CSMD1: variants seen among roughly 807,000 people sequenced by gnomAD.
CSMD1 encodes the protein CUB and sushi domain-containing protein 1.
Under a neutral mutation model 417.5 loss-of-function variants are expected in CSMD1, and 213 were observed. The observed-to-expected ratio is 0.51, with a 90% CI of 0.46 to 0.57. CSMD1 has a LOEUF of 0.57. Ranked by LOEUF, CSMD1 falls within the 20% of genes least tolerant of loss-of-function variation. CSMD1 has a pLI of 0.00. For missense variants in CSMD1, 6,923 were observed against 4,529.7 expected, an observed-to-expected ratio of 1.53 and a Z score of -15.17; for synonymous variants, 2,862 against 1,736.8, an observed-to-expected ratio of 1.65 and a Z score of -16.11.
At chr8:4,245,152 G>T (rs943460898) in intron 3 of CSMD1, among the ~76,000 whole-genome samples, 2 of 152,142 alleles carry the variant, frequency 1.3e-5, no homozygotes, top group East Asian at 3.9e-4. Context: ...AAATGCCTGG[G>T]TTCAGAATCT....
At chr8:4,603,604 G>A (rs770265118) in intron 2 of CSMD1, among the ~76,000 whole-genome samples, 29 of 152,180 alleles carry the variant, frequency 1.9e-4, no homozygotes, top group Admixed American at 1.1e-3. Flanking sequence ...AAAATAGTGC[G>A]AAAACATGAA....
At position 4,825,519 on chromosome 8, in the gene CSMD1, T is replaced by G. The variant is rs373746460; in HGVS notation, c.85+168813A>C. On this transcript the variant is annotated intron_variant, in intron 1 of 69. Transcript: ENST00000635120. The stretch of plus-strand genomic sequence containing the variant: ...CCCGATTTTTCCTTCCCCTGGCCCC[T>G]GGTAAACACAATTCTACTCTCTGCT... Among the ~76,000 whole-genome samples the G allele has an allele frequency of 1.9e-4, 29 of 152,036 alleles. No homozygotes were observed. In the East Asian group the frequency reaches 2.5e-3, roughly 13 times the overall value.
intron 18 of CSMD1, among the ~76,000 whole-genome samples, chr8:3,381,792 G>A (rs1563330124): frequency 1.3e-5 from 2 of 152,038 alleles, no homozygotes; most frequent in African/African-American, 2.4e-5. Flanking sequence ...CTGCTCCCAC[G>A]CTACAGCCTA....
intron 1 of CSMD1, among the ~76,000 whole-genome samples, chr8:4,912,838 T>C (rs1004173867): frequency 6.6e-6 from 1 of 151,868 alleles, no homozygotes; most frequent in Non-Finnish European, 1.5e-5. Flanking sequence ...TAGACTAGAG[T>C]GCAGTGGTGC....
chr8:3,982,200 A>AT (rs1585074761), intron 5 of CSMD1, among the ~76,000 whole-genome samples: 29 of 145,668 alleles, frequency 2.0e-4, no homozygotes, highest in African/African-American at 2.8e-4. Context: ...TATTAATAAA[A>AT]AAAATAATAA....
chr8:3,612,080 CAG>C (rs557238912), intron 8 of CSMD1, among the ~76,000 whole-genome samples: 91 of 152,062 alleles, frequency 6.0e-4, no homozygotes, highest in African/African-American at 2.2e-3. Context: ...TGTTGTGCAA[CAG>C]ATTGAATATA....
At chr8:4,050,841 A>C (rs1244013091) in intron 3 of CSMD1, among the ~76,000 whole-genome samples, 2 of 152,182 alleles carry the variant, frequency 1.3e-5, no homozygotes, top group Non-Finnish European at 2.9e-5. Context: ...TTAAAATTTT[A>C]GAGAAGATTC....
At chr8:3,719,676 G>T (rs906771424) in intron 6 of CSMD1, among the ~76,000 whole-genome samples, 2 of 152,142 alleles carry the variant, frequency 1.3e-5, no homozygotes, top group Admixed American at 6.5e-5. Flanking sequence ...GGAAGTCCAG[G>T]GGTGTCATTC....
At chr8:3,015,651 A>T (rs975548377) in intron 52 of CSMD1, among the ~76,000 whole-genome samples, 1 of 151,930 alleles carries the variant, frequency 6.6e-6, no homozygotes, top group Non-Finnish European at 1.5e-5. Flanking sequence ...AGTAACAGTC[A>T]TTTCCCCACT....
At chr8:3,482,971 A>T (rs994473459) in intron 11 of CSMD1, among the ~76,000 whole-genome samples, 1 of 152,152 alleles carries the variant, frequency 6.6e-6, no homozygotes, top group African/African-American at 2.4e-5. Context: ...TGTGGGAAGC[A>T]GATAAAACAG....
At chr8:3,438,538 ACT>A (rs1180988994) in intron 12 of CSMD1, among the ~76,000 whole-genome samples, 1 of 151,978 alleles carries the variant, frequency 6.6e-6, no homozygotes, top group African/African-American at 2.4e-5. Flanking sequence ...GGTCAGCACC[ACT>A]CTCTGGAGAG....
intron 8 of CSMD1, among the ~76,000 whole-genome samples, chr8:3,594,171 G>A (rs117333823): frequency 1.1e-3 from 175 of 152,246 alleles, no homozygotes; most frequent in South Asian, 2.1e-3. Flanking sequence ...GACCTACAGG[G>A]GTTTGGCACT....
chr8:3,436,989 C>G (rs914998244), intron 12 of CSMD1, among the ~76,000 whole-genome samples: 11 of 152,248 alleles, frequency 7.2e-5, no homozygotes, highest in African/African-American at 2.6e-4. Context: ...CAGACAGGGA[C>G]TTAAACAAGA....
rs553852842 is a variant in CSMD1, at chr8:4,535,899, T to C, written c.302+101443A>G. 5.9e-5 allele frequency among the ~76,000 whole-genome samples: 9 copies of C among 152,360 alleles called. No individual in the cohort carries two copies. In the South Asian group the frequency reaches 1.4e-3, roughly 25 times the overall value. On this transcript the variant is annotated intron_variant, in intron 2 of 69. Transcript: ENST00000635120. The stretch of plus-strand genomic sequence containing the variant: ...AGCTTTTACTTCTTTACTTTTATAA[T>C]TAACTCTTTGTTGTTGATGTTTATA...
At chr8:3,077,447 G>C (rs866334207) in intron 49 of CSMD1, among the ~76,000 whole-genome samples, 3 of 152,280 alleles carry the variant, frequency 2.0e-5, no homozygotes, top group Middle Eastern at 6.8e-3. Context: ...GGTCTACATG[G>C]ACATAAACAC....
At chr8:3,805,936 C>A (rs1453348288) in intron 5 of CSMD1, among the ~76,000 whole-genome samples, 1 of 152,146 alleles carries the variant, frequency 6.6e-6, no homozygotes, top group African/African-American at 2.4e-5. Context: ...CACTGACACA[C>A]CTGCTCTTGA....
chr8:4,158,865 A>C (rs1796986441), intron 3 of CSMD1, among the ~76,000 whole-genome samples: 1 of 152,200 alleles, frequency 6.6e-6, no homozygotes, highest in African/African-American at 2.4e-5. Flanking sequence ...CTGAAATCTC[A>C]AGTCCTCAGT....
At chr8:3,715,864 C>T (rs1228978003) in intron 6 of CSMD1, among the ~76,000 whole-genome samples, 1 of 152,130 alleles carries the variant, frequency 6.6e-6, no homozygotes, top group Non-Finnish European at 1.5e-5. Flanking sequence ...TTTTAAAAGG[C>T]ACACGGCCTG....
rs72331833 is a variant in CSMD1 at position 3,720,620 on chromosome 8, T to TTCTCTCACACACACAC, written c.932-12130_932-12129insGTGTGTGTGTGAGAGA. 7.0e-3 allele frequency among the ~76,000 whole-genome samples: 1,006 copies of TTCTCTCACACACACAC among 143,408 alleles called. 14 individuals are homozygous for TTCTCTCACACACACAC. The highest frequency in any genetic ancestry group is 8.9e-3 in the Non-Finnish European group (585 of 66,056). 94.1% of individuals were successfully genotyped at this position (143,408 alleles called of 152,430 possible). On this transcript the variant is annotated intron_variant, in intron 6 of 69. Transcript: ENST00000635120. ...CATTGGTGGTCAAAGTCTTTATTCT[T>TTCTCTCACACACACAC]ACACACACACACACACACACACACA...
Sources: gnomAD v4.1 joint callset for allele counts (sites outside exome capture counted in the v4.1 genomes callset) on GRCh38, gnomAD v4.1.1 for gene constraint, MANE v1.5 for transcripts, NCBI Gene and HGNC (gene_info 2026-07-23, HGNC 2026-07-21) for gene names.